The following KNL1 variants were observed in gnomAD, a reference collection of about 807,000 sequenced individuals.
KNL1 encodes the protein outer kinetochore KNL1 complex subunit KNL1.
Under a neutral mutation model 201.3 loss-of-function variants are expected in KNL1, and 66 were observed. The observed-to-expected ratio is 0.33, with a 90% CI of 0.27 to 0.40. The LOEUF is 0.40. Among genes scored for constraint, KNL1 ranks in the 10% least tolerant of loss-of-function variants. The pLI is 1.00. For synonymous variants in KNL1, 895 were observed against 899.2 expected, an observed-to-expected ratio of 1.00 and a Z score of 0.08; for missense variants, 2,815 against 2,690.5, an observed-to-expected ratio of 1.05 and a Z score of -1.02.
chr15:40,627,490 G>T (rs1359220682), intron 10 of KNL1, among the ~76,000 whole-genome samples: 1 of 151,428 alleles, frequency 6.6e-6, no homozygotes, highest in African/African-American at 2.4e-5. Context: ...CTCCAGCCTG[G>T]GCAACGGAGT....
At position 40,662,281 on chromosome 15, in the gene KNL1, C is replaced by A; in HGVS notation, c.*93C>A. On this transcript the variant is annotated 3_prime_UTR_variant, in exon 26 of 26. Coordinates refer to ENST00000399668, the MANE Select transcript of KNL1 (RefSeq NM_144508.5). Reference sequence around the variant, plus strand: ...TTCAGCCTTTGTTTTTACGTCATTACAAGCTGAGTAAAATTCCTTCTGATG... The same window carrying A: ...TTCAGCCTTTGTTTTTACGTCATTAAAAGCTGAGTAAAATTCCTTCTGATG... 2 of 722,748 alleles carry A rather than the reference C, an allele frequency of 2.8e-6. No homozygotes were observed. Among genetic ancestry groups the A allele is most frequent in the East Asian group, 2.5e-5 (1 of 39,394 alleles). The allele number at this position is 722,748 out of a possible 1,614,324, so 44.8% of individuals were successfully genotyped here. A position where few individuals can be genotyped will look rare whatever the true frequency, so the allele number is the denominator to read the frequency against.
chr15:40,597,210 C>A (rs895992654), intron 1 of KNL1, among the ~76,000 whole-genome samples: 8 of 152,046 alleles, frequency 5.3e-5, no homozygotes, highest in Non-Finnish European at 1.2e-4. Context: ...TGCTGCAGCA[C>A]CCTTGGGTGC....
chr15:40,644,892 T>C, intron 14 of KNL1, 105 bp from the exon 15 acceptor site: 1 of 637,952 alleles, frequency 1.6e-6, no homozygotes, highest in Non-Finnish European at 2.7e-6. Flanking sequence ...AGTACAGGTC[T>C]TTTTCCAAAT....
chr15:40,602,884 C>G, intron 1 of KNL1, 31 bp from the exon 2 acceptor site: 1 of 1,228,034 alleles, frequency 8.1e-7, no homozygotes, highest in East Asian at 2.3e-5. Context: ...CCTTTTTCCT[C>G]ATGTTTTCTA....
chr15:40,607,508 T>C (rs991156414), intron 4 of KNL1, among the ~76,000 whole-genome samples: 1 of 152,208 alleles, frequency 6.6e-6, no homozygotes, highest in Non-Finnish European at 1.5e-5. Context: ...TATTCAGAAT[T>C]AACCCAGTAA....
In KNL1 at chr15:40,617,975, T is replaced by TAAAAAA. The variant is rs71104706; in HGVS notation, c.323-950_323-945dup. Reference sequence around the variant, plus strand: ...CCTGAAATATAAATAAGGCTTTTAGTAAAAAAAAAAAAAAAAAAAAAAAAA... The same window carrying TAAAAAA: ...CCTGAAATATAAATAAGGCTTTTAGTAAAAAAAAAAAAAAAAAAAAAAAAAAAAAAA... On this transcript the variant is annotated intron_variant, in intron 8 of 25. Transcript: ENST00000399668. Among the ~76,000 whole-genome samples the TAAAAAA allele has an allele frequency of 2.8e-3, 130 of 47,230 alleles. 21 individuals carry two copies. Among genetic ancestry groups the TAAAAAA allele is most frequent in the Non-Finnish European group, 3.4e-3 (101 of 29,534 alleles). The allele number at this position is 47,230 out of a possible 152,430, so 31.0% of individuals were successfully genotyped here. A position where few individuals can be genotyped will look rare whatever the true frequency, so the allele number is the denominator to read the frequency against.
chr15:40,646,908 G>T, intron 16 of KNL1, 79 bp from the exon 17 acceptor site: 1 of 628,068 alleles, frequency 1.6e-6, no homozygotes, highest in South Asian at 1.7e-5. Context: ...ATGATAGAGC[G>T]ATTATGTGAG....
At chr15:40,643,027 C>T (rs994858312) in intron 14 of KNL1, 1 of 152,150 alleles carries the variant, frequency 6.6e-6, no homozygotes, top group African/African-American at 2.4e-5. Context: ...CTGCATATAT[C>T]CTCTACAAGA....
At chr15:40,656,515 A>G (rs190468258) in intron 22 of KNL1, among the ~76,000 whole-genome samples, 21 of 152,322 alleles carry the variant, frequency 1.4e-4, no homozygotes, top group African/African-American at 3.8e-4. Flanking sequence ...CTGTTTCTAT[A>G]TGTGATAAAG....
intron 7 of KNL1, among the ~76,000 whole-genome samples, 158 bp downstream of exon 7, chr15:40,611,669 A>T (rs922404231): frequency 7.2e-5 from 11 of 152,008 alleles, no homozygotes; most frequent in African/African-American, 2.6e-4. Context: ...TGGCCATTGT[A>T]CTGTTTATAG....
chr15:40,651,529 CA>C lies in KNL1; in HGVS notation c.6276del (p.Lys2092AsnfsTer13). 1 of 1,609,172 alleles carries C rather than the reference CA, an allele frequency of 6.2e-7. No individual in the cohort carries two copies. On this transcript the variant is annotated frameshift_variant, in exon 20 of 26. Transcript: ENST00000399668. LOFTEE classifies it high-confidence loss of function. ...EQTLAQIDFM[Q>X]KQRNRTEELL... ...GACCCTTGCTCAAATAGACTTTATG[CA>C]AAAACAAAGAAATAGAACTGAAGAG...
intron 1 of KNL1, among the ~76,000 whole-genome samples, chr15:40,601,485 T>C (rs1891789404): frequency 6.6e-6 from 1 of 152,156 alleles, no homozygotes; most frequent in Non-Finnish European, 1.5e-5. Flanking sequence ...TCACTGATTT[T>C]TATCTTGAGT....
chr15:40,623,053 C>T lies in KNL1; in HGVS notation c.2789C>T (p.Ser930Leu). Residue 930 changes from serine (S) to leucine (L), a missense_variant, in exon 10 of 26, where the codon TCA becomes TTA. Ser to Leu is a moderately radical substitution (Grantham distance 145). Coordinates refer to ENST00000399668, the MANE Select transcript of KNL1 (RefSeq NM_144508.5). ...ACTGCCTTAGAATGTAAAACTGTCT[C>T]ACCAGATGAAATAACTACTAGGCCT... ...HTTALECKTV[S>L]PDEITTRPMD... 1 of 1,613,484 alleles carries T rather than the reference C, an allele frequency of 6.2e-7. No individual in the cohort carries two copies. The highest frequency in any genetic ancestry group is 8.5e-7 in the Non-Finnish European group (1 of 1,179,742).
At chr15:40,601,341 G>T (rs1485814368) in intron 1 of KNL1, among the ~76,000 whole-genome samples, 1 of 152,166 alleles carries the variant, frequency 6.6e-6, no homozygotes, top group Non-Finnish European at 1.5e-5. Flanking sequence ...CCCTGGTTTG[G>T]AAAAGGTTGG....
At chr15:40,619,231 A>G (rs976837136) in intron 9 of KNL1, among the ~76,000 whole-genome samples, 2 of 152,140 alleles carry the variant, frequency 1.3e-5, no homozygotes, top group African/African-American at 4.8e-5. Flanking sequence ...CAAAGTTTAA[A>G]GAGCACATGA....
At chr15:40,608,457 A>G (rs1892046406) in intron 4 of KNL1, among the ~76,000 whole-genome samples, 1 of 145,284 alleles carries the variant, frequency 6.9e-6, no homozygotes, top group Non-Finnish European at 1.5e-5. Context: ...AAAAAAAAAG[A>G]CTTGTCTGGG....
intron 21 of KNL1, among the ~76,000 whole-genome samples, chr15:40,653,783 A>G: frequency 6.6e-6 from 1 of 151,972 alleles, no homozygotes; most frequent in East Asian, 1.9e-4. Flanking sequence ...GACTTCTTTT[A>G]TTTCCTTAAA....
chr15:40,660,057 A>G (rs1393840232), intron 25 of KNL1, among the ~76,000 whole-genome samples: 1 of 151,830 alleles, frequency 6.6e-6, no homozygotes, highest in Non-Finnish European at 1.5e-5. Context: ...ACTTAAAGGC[A>G]AGCGCCACCA....
Position 40,608,915 on chromosome 15 carries a change from T to C in KNL1, c.197+7T>C. Reference sequence around the variant, plus strand: ...GCTTTGCAGATACTATAAAGTAAGTTGAAAGCAGAAATAACTAAAATATTA... The same window carrying C: ...GCTTTGCAGATACTATAAAGTAAGTCGAAAGCAGAAATAACTAAAATATTA... On this transcript the variant is annotated splice_region_variant and intron_variant, in intron 5 of 25. Coordinates refer to ENST00000399668, the MANE Select transcript of KNL1 (RefSeq NM_144508.5). 6.3e-7 allele frequency: 1 copy of C among 1,599,838 alleles called. No individual in the cohort carries two copies.
Sources: gnomAD v4.1 joint callset for allele counts (sites outside exome capture counted in the v4.1 genomes callset) on GRCh38, gnomAD v4.1.1 for gene constraint, MANE v1.5 for transcripts, NCBI Gene and HGNC (gene_info 2026-07-23, HGNC 2026-07-21) for gene names.